SYT13: variants seen among roughly 807,000 people sequenced by gnomAD.
SYT13 encodes the protein synaptotagmin 13.
A neutral mutation model predicts 38.6 loss-of-function variants in SYT13; 21 were observed. That is an observed-to-expected ratio of 0.54 (90% CI 0.39 to 0.78). The LOEUF (loss-of-function observed/expected upper bound fraction) is 0.78, where lower values mean the gene tolerates loss of function less well. SYT13 is among the 30% of genes least tolerant of loss of function. The pLI is 0.00. For missense variants in SYT13, 495 were observed against 548.7 expected (o/e 0.90, Z 0.98); for synonymous variants, 241 against 237.6 (o/e 1.01, Z -0.13).
intron 1 of SYT13, among the ~76,000 whole-genome samples, chr11:45,271,127 T>A (rs1315161735): frequency 6.6e-6 from 1 of 152,206 alleles, no homozygotes; most frequent in East Asian, 1.9e-4. Context: ...TTCAGCTAAT[T>A]GATCGAAGCA....
intron 4 of SYT13, among the ~76,000 whole-genome samples, chr11:45,247,798 T>G (rs1182143406): frequency 6.6e-6 from 1 of 152,182 alleles, no homozygotes; most frequent in African/African-American, 2.4e-5. Flanking sequence ...ACAGAATCAG[T>G]CTCAAAGAAG....
At chr11:45,274,223 C>G (rs547982346) in intron 1 of SYT13, among the ~76,000 whole-genome samples, 1 of 152,144 alleles carries the variant, frequency 6.6e-6, no homozygotes, top group South Asian at 2.1e-4. Flanking sequence ...CAATGGGTAC[C>G]CAAAAATCAA....
chr11:45,278,266 A>T (rs1855032912), intron 1 of SYT13, among the ~76,000 whole-genome samples: 1 of 152,138 alleles, frequency 6.6e-6, no homozygotes, highest in African/African-American at 2.4e-5. Context: ...GGGAGTACTG[A>T]ATACAGTAAG....
intron 1 of SYT13, among the ~76,000 whole-genome samples, chr11:45,260,624 G>T (rs1854803446): frequency 6.6e-6 from 1 of 152,180 alleles, no homozygotes; most frequent in Admixed American, 6.5e-5. Flanking sequence ...ATAGAGCCTG[G>T]GAAGTATATC....
rs762204585 is a variant in SYT13, at chr11:45,252,665, T to C, written c.602A>G (p.Asn201Ser). ...CTGAGCCTCCACAGAGCCGGTCCTA[T>C]TGGCCACACTCCCTTGGACGTAGCA... Reference protein sequence around the residue: ...CDCYVQGSVANRTGSVEAQTA... With the variant: ...CDCYVQGSVASRTGSVEAQTA... The change falls in exon 4 of 6, where the codon AAT becomes AGT. Residue 201 changes from asparagine to serine, a missense_variant. Transcript: ENST00000020926. This position sits in a 1 kb window ranked among gnomAD's most constrained non-coding sequence, Gnocchi z 4.3. The C allele has an allele frequency of 3.7e-6, 6 of 1,611,026 alleles. No individual in the cohort carries two copies. In the Admixed American group the frequency reaches 1.0e-4, roughly 27 times the overall value.
At chr11:45,266,503 T>TAC (rs68112111) in intron 1 of SYT13, among the ~76,000 whole-genome samples, 53,425 of 147,166 alleles carry the variant, frequency 0.36, 10,934 homozygotes, top group Non-Finnish European at 0.48. Context: ...CCCTCTCAAA[T>TAC]ACACACACAC....
At chr11:45,244,788 G>T (rs1854595054) in intron 5 of SYT13, among the ~76,000 whole-genome samples, 1 of 152,202 alleles carries the variant, frequency 6.6e-6, no homozygotes, top group African/African-American at 2.4e-5. Flanking sequence ...TGACACTAAA[G>T]TGTAGGAAAC....
chr11:45,286,097 C>G lies in SYT13; in HGVS notation c.111G>C (p.Lys37Asn). 6.2e-7 allele frequency: 1 copy of G among 1,606,410 alleles called. No homozygotes were observed. Among genetic ancestry groups the G allele is most frequent in the Non-Finnish European group, 8.5e-7 (1 of 1,178,196 alleles). ...TCLCRHMHPKKGLLPRDQDPD... is the reference protein window; with the variant it reads ...TCLCRHMHPKNGLLPRDQDPD... The stretch of plus-strand genomic sequence containing the variant: ...GGTCCTGGTCCCGCGGCAGCAGCCC[C>G]TTCTTGGGGTGCATGTGCCGACACA... The change falls in exon 1 of 6, where the codon AAG becomes AAC. Residue 37 changes from lysine to asparagine, a missense_variant. Physicochemically the swap from Lys to Asn is moderately conservative, Grantham distance 94. Transcript: ENST00000020926.
At chr11:45,278,955 C>T (rs915185051) in intron 1 of SYT13, among the ~76,000 whole-genome samples, 3 of 152,254 alleles carry the variant, frequency 2.0e-5, no homozygotes, top group African/African-American at 7.2e-5. Context: ...GGGCCCTGGG[C>T]TGCACCCAAT....
At chr11:45,250,684 A>C (rs1241859954) in intron 4 of SYT13, among the ~76,000 whole-genome samples, 1 of 152,190 alleles carries the variant, frequency 6.6e-6, no homozygotes, top group African/African-American at 2.4e-5. Flanking sequence ...GCTGAGTTCC[A>C]TCTGAGAGTG....
chr11:45,264,817 G>A lies in SYT13; in HGVS notation c.184-8926C>T, dbSNP rs943029152. ...GACACCACTACACACCCACTAAAAT[G>A]GCTAAAATCAAAAAGACTGACAACA... On this transcript the variant is annotated intron_variant, in intron 1 of 5. Transcript: ENST00000020926. Among the ~76,000 whole-genome samples the A allele has an allele frequency of 1.1e-4, 16 of 152,300 alleles. 1 individual carries two copies. The highest frequency in any genetic ancestry group is 6.8e-3 in the Middle Eastern group (2 of 294).
Position 45,243,933 on chromosome 11 carries a change from A to G in SYT13, c.*119T>C. The G allele has an allele frequency of 9.1e-7, 1 of 1,098,504 alleles. No homozygotes were observed. Among genetic ancestry groups the G allele is most frequent in the Non-Finnish European group, 1.3e-6 (1 of 767,930 alleles). The allele number at this position is 1,098,504 out of a possible 1,614,324, so 68.0% of individuals were successfully genotyped here. A position where few individuals can be genotyped will look rare whatever the true frequency, so the allele number is the denominator to read the frequency against. On this transcript the variant is annotated 3_prime_UTR_variant, in exon 6 of 6. Transcript: ENST00000020926. The stretch of plus-strand genomic sequence containing the variant: ...AAGAGTATGATGAGAGAGCCATCCC[A>G]GCCTTGCAAACACATCTGTCACTGT...
In SYT13 at chr11:45,252,651, C is replaced by A. The variant is rs760989238; in HGVS notation, c.616G>T (p.Val206Leu). The stretch of plus-strand genomic sequence containing the variant: ...TTCTTTAGGGCTGTCTGAGCCTCCA[C>A]AGAGCCGGTCCTATTGGCCACACTC... ...QGSVANRTGS[V>L]EAQTALKKRQ... Residue 206 changes from valine (V) to leucine (L), a missense_variant, in exon 4 of 6, where the codon GTG becomes TTG. Val to Leu is a conservative substitution (Grantham distance 32). Coordinates refer to ENST00000020926, the MANE Select transcript of SYT13 (RefSeq NM_020826.3). The surrounding 1 kb of genome is among the most constrained non-coding windows in gnomAD (Gnocchi z 4.3). 1.3e-5 allele frequency: 21 copies of A among 1,612,862 alleles called. No individual in the cohort carries two copies. The highest frequency in any genetic ancestry group is 1.7e-5 in the Non-Finnish European group (20 of 1,178,958).
Position 45,286,046 on chromosome 11 carries a change from G to C in SYT13, c.162C>G (p.Ser54Arg), listed in dbSNP as rs753457085. The change falls in exon 1 of 6, where the codon AGC becomes AGG. Residue 54 changes from serine (S) to arginine (R), a missense_variant. By Grantham distance (110) the Ser-to-Arg change is moderately radical (BLOSUM62 -1). Transcript: ENST00000020926. ...TCACCTGTTGTGCAGACCCGAGCAA[G>C]CTGGGCTTCGCCTTCTCCAGGTCGG... Reference protein sequence around the residue: ...QDPDLEKAKPSLLGSAQQFNV... With the variant: ...QDPDLEKAKPRLLGSAQQFNV... 2.5e-6 allele frequency: 4 copies of C among 1,609,052 alleles called. No homozygotes were observed. The East Asian group carries it at 8.9e-5, about 36-fold the overall frequency.
At chr11:45,276,071 T>C (rs1237496675) in intron 1 of SYT13, among the ~76,000 whole-genome samples, 3 of 152,204 alleles carry the variant, frequency 2.0e-5, no homozygotes, top group African/African-American at 7.2e-5. Flanking sequence ...CGCCAGCTAC[T>C]GTGGTTTTTG....
intron 1 of SYT13, among the ~76,000 whole-genome samples, chr11:45,264,327 C>T (rs964155861): frequency 6.6e-6 from 1 of 152,100 alleles, no homozygotes; most frequent in Non-Finnish European, 1.5e-5. Flanking sequence ...TGACTTGCTT[C>T]GAATGAACAG....
At chr11:45,253,333 C>T (rs1677354268) in intron 3 of SYT13, among the ~76,000 whole-genome samples, 2 of 152,186 alleles carry the variant, frequency 1.3e-5, no homozygotes, top group African/African-American at 4.8e-5. Context: ...TTCCACTGAA[C>T]TTCAAGGGAC....
intron 1 of SYT13, among the ~76,000 whole-genome samples, chr11:45,261,529 C>A (rs1041593253): frequency 6.6e-6 from 1 of 151,666 alleles, no homozygotes; most frequent in African/African-American, 2.4e-5. Context: ...ACCCAGAAGG[C>A]GGAGGTTGCA....
chr11:45,271,305 C>G (rs1410760747), intron 1 of SYT13, among the ~76,000 whole-genome samples: 1 of 152,120 alleles, frequency 6.6e-6, no homozygotes, highest in Admixed American at 6.5e-5. Flanking sequence ...AAGCCAAATA[C>G]CTGGACTGTA....
Sources: gnomAD v4.1 joint callset for allele counts (sites outside exome capture counted in the v4.1 genomes callset) on GRCh38, gnomAD v4.1.1 for gene constraint, Gnocchi (gnomAD v3.1) non-coding constraint, MANE v1.5 for transcripts, NCBI Gene and HGNC (gene_info 2026-07-23, HGNC 2026-07-21) for gene names.